The following ZBTB20 variants were observed in gnomAD, a reference collection of about 807,000 sequenced individuals.
The protein encoded by ZBTB20 is zinc finger and BTB domain containing 20.
In ZBTB20, 9 loss-of-function variants were observed where a neutral mutation model predicts 56.9. That is an observed-to-expected ratio of 0.16 (90% CI 0.10 to 0.28). The LOEUF is 0.28. Ranked by LOEUF, ZBTB20 falls within the 10% of genes least tolerant of loss-of-function variation. ZBTB20 has a pLI of 1.00. For missense variants in ZBTB20, 655 were observed against 1,003.0 expected (o/e 0.65, Z 4.69); for synonymous variants, 417 against 420.7 (o/e 0.99, Z 0.11).
intron 10 of ZBTB20, among the ~76,000 whole-genome samples, chr3:114,352,391 T>C (rs938822477): frequency 6.6e-6 from 1 of 152,236 alleles, no homozygotes; most frequent in Non-Finnish European, 1.5e-5. Context: ...ACCATATTCA[T>C]AGTTAACAAA....
At position 114,848,261 on chromosome 3, in the gene ZBTB20, T is replaced by A. The variant is rs925692995; in HGVS notation, c.-416-47087A>T. 1.2e-4 allele frequency among the ~76,000 whole-genome samples: 18 copies of A among 152,006 alleles called. 1 individual carries two copies. The highest frequency in any genetic ancestry group is 1.2e-3 in the Admixed American group (18 of 15,266). On this transcript the variant is annotated intron_variant, in intron 4 of 11. Coordinates refer to ENST00000675478, the MANE Select transcript of ZBTB20 (RefSeq NM_001348800.3). Reference sequence around the variant, plus strand: ...ACACTGTTCTGAGTGTCTGAACACATGCGGGCAGGTAAACCCAGAAAATGG... The same window carrying A: ...ACACTGTTCTGAGTGTCTGAACACAAGCGGGCAGGTAAACCCAGAAAATGG...
At chr3:114,743,929 C>T (rs2066829286) in intron 5 of ZBTB20, 1 of 152,110 alleles carries the variant, frequency 6.6e-6, no homozygotes, top group Admixed American at 6.6e-5. Context: ...CTGAATTTCA[C>T]TTTGAATGTG....
chr3:114,951,580 G>A (rs768001480), intron 3 of ZBTB20, among the ~76,000 whole-genome samples: 8 of 152,186 alleles, frequency 5.3e-5, no homozygotes, highest in South Asian at 2.1e-4. Flanking sequence ...GAAAAGCACC[G>A]TAAGCAAAAC....
intron 4 of ZBTB20, among the ~76,000 whole-genome samples, chr3:114,829,057 T>C (rs1317293773): frequency 6.6e-6 from 1 of 151,806 alleles, no homozygotes; most frequent in Non-Finnish European, 1.5e-5. Context: ...TTTAAAGTGG[T>C]CTCAGATCTC....
chr3:114,493,694 G>C (rs1194506059), intron 7 of ZBTB20, among the ~76,000 whole-genome samples: 1 of 152,174 alleles, frequency 6.6e-6, no homozygotes, highest in Non-Finnish European at 1.5e-5. Context: ...CTATTTCAGA[G>C]AAGCTTCTCC....
chr3:114,495,490 CTT>C (rs1346173329), intron 7 of ZBTB20, among the ~76,000 whole-genome samples: 7 of 152,286 alleles, frequency 4.6e-5, no homozygotes, highest in African/African-American at 7.2e-5. Context: ...CTCTCTCTCT[CTT>C]ACATATATAT....
chr3:114,366,166 A>G (rs914478323), intron 10 of ZBTB20, among the ~76,000 whole-genome samples: 2 of 152,348 alleles, frequency 1.3e-5, no homozygotes, highest in African/African-American at 4.8e-5. Context: ...CCTGGCCAAA[A>G]TAAACATTTA....
chr3:114,597,361 G>A (rs1221296529), intron 6 of ZBTB20, among the ~76,000 whole-genome samples: 1 of 152,120 alleles, frequency 6.6e-6, no homozygotes, highest in Non-Finnish European at 1.5e-5. Flanking sequence ...GTTATAACTA[G>A]AACGACCAAG....
intron 6 of ZBTB20, among the ~76,000 whole-genome samples, chr3:114,621,129 A>G (rs2058290631): frequency 6.6e-6 from 1 of 152,186 alleles, no homozygotes; most frequent in South Asian, 2.1e-4. Context: ...TTAAACTTTT[A>G]TATATATAGC....
At chr3:114,974,063 TAAAA>T (rs74552088) in intron 3 of ZBTB20, among the ~76,000 whole-genome samples, 2 of 108,652 alleles carry the variant, frequency 1.8e-5, no homozygotes, top group Non-Finnish European at 2.0e-5. Context: ...CCAAACCAGT[TAAAA>T]AAAAAAAAAA....
At chr3:114,798,445 C>T (rs997942376) in intron 5 of ZBTB20, among the ~76,000 whole-genome samples, 1 of 151,852 alleles carries the variant, frequency 6.6e-6, no homozygotes, top group Non-Finnish European at 1.5e-5. Context: ...AAGGGGACTA[C>T]AATTCAACAA....
chr3:114,585,434 T>G (rs1216825155), intron 6 of ZBTB20, among the ~76,000 whole-genome samples: 2 of 152,134 alleles, frequency 1.3e-5, no homozygotes, highest in African/African-American at 4.8e-5. Flanking sequence ...CATTTAAGTT[T>G]CCCATCTCAT....
intron 6 of ZBTB20, among the ~76,000 whole-genome samples, chr3:114,601,254 A>C (rs529121910): frequency 6.6e-6 from 1 of 152,136 alleles, no homozygotes; most frequent in African/African-American, 2.4e-5. Flanking sequence ...GCTCAGAAGT[A>C]CTCTTCATAA....
chr3:114,432,525 T>C (rs2079021454), intron 7 of ZBTB20, among the ~76,000 whole-genome samples: 1 of 152,220 alleles, frequency 6.6e-6, no homozygotes, highest in African/African-American at 2.4e-5. Context: ...GTGTGTGCTA[T>C]GCCTCTCACT....
chr3:114,911,045 C>A (rs2075515871), intron 3 of ZBTB20, among the ~76,000 whole-genome samples: 1 of 151,868 alleles, frequency 6.6e-6, no homozygotes, highest in African/African-American at 2.4e-5. Flanking sequence ...TATTCTTGTT[C>A]TTCAATACCC....
At chr3:114,979,053 CAAAG>C (rs2078225161) in intron 2 of ZBTB20, among the ~76,000 whole-genome samples, 1 of 151,382 alleles carries the variant, frequency 6.6e-6, no homozygotes, top group Non-Finnish European at 1.5e-5. Flanking sequence ...AAGAGAACAA[CAAAG>C]AAAGAAAAAT....
At chr3:115,037,958 T>A (rs1456076013) in intron 2 of ZBTB20, among the ~76,000 whole-genome samples, 2 of 152,244 alleles carry the variant, frequency 1.3e-5, no homozygotes, top group African/African-American at 4.8e-5. Context: ...ATACCACAAA[T>A]GAGGTCTAAA....
Position 114,339,212 on chromosome 3 carries a change from G to C in ZBTB20, c.2019C>G (p.His673Gln), listed in dbSNP as rs1168080014. The change falls in exon 12 of 12, where the codon CAC becomes CAG. Residue 673 changes from histidine (H) to glutamine (Q), a missense_variant. By Grantham distance (24) the His-to-Gln change is conservative. Around this residue, in one of 10 missense-constraint regions of ZBTB20, gnomAD observed 15 missense variants for 35.8 expected, o/e 0.42. Transcript: ENST00000675478. This position sits in a 1 kb window ranked among gnomAD's most constrained non-coding sequence, Gnocchi z 4.2. The stretch of plus-strand genomic sequence containing the variant: ...CCACGTGTCGCTCCAGGAGGGTCTT[G>C]TGAGAGAACTTCTTTTTGCAGATGT... ...ECYICKKKFS[H>Q]KTLLERHVAL... The C allele has an allele frequency of 6.2e-7, 1 of 1,614,116 alleles. No homozygotes were observed. The highest frequency in any genetic ancestry group is 1.3e-5 in the African/African-American group (1 of 74,942).
chr3:114,637,718 C>T (rs1418505295), intron 6 of ZBTB20, among the ~76,000 whole-genome samples: 1 of 152,032 alleles, frequency 6.6e-6, no homozygotes, highest in Non-Finnish European at 1.5e-5. Flanking sequence ...ACAAATAAGA[C>T]TTATTTCCTA....
Sources: gnomAD v4.1 joint callset for allele counts (sites outside exome capture counted in the v4.1 genomes callset) on GRCh38, gnomAD v4.1.1 for gene constraint, gnomAD v4.1.1 regional missense constraint, Gnocchi (gnomAD v3.1) non-coding constraint, MANE v1.5 for transcripts, NCBI Gene and HGNC (gene_info 2026-07-23, HGNC 2026-07-21) for gene names.